Variants in CNTLN observed in about 807,000 individuals in gnomAD.
The protein encoded by CNTLN is centlein.
CNTLN carries 212 observed loss-of-function variants against 180.0 expected under a neutral mutation model. The ratio of observed to expected loss-of-function variants is 1.18; its 90% CI spans 1.05 to 1.32. The LOEUF (loss-of-function observed/expected upper bound fraction) is 1.32. Among genes scored for constraint, CNTLN ranks in the 40% most tolerant of loss-of-function variants. CNTLN has a pLI of 0.00. For synonymous variants in CNTLN, 722 were observed against 563.1 expected (o/e 1.28, Z -3.99); for missense variants, 2,095 against 1,610.9 (o/e 1.30, Z -5.14).
At chr9:17,383,995 G>C (rs12156444) in intron 13 of CNTLN, among the ~76,000 whole-genome samples, 2 of 152,048 alleles carry the variant, frequency 1.3e-5, no homozygotes, top group Non-Finnish European at 2.9e-5. Flanking sequence ...ACTTCACAAA[G>C]CTAATTCATT....
At chr9:17,494,943 G>A (rs540761831) in intron 25 of CNTLN, 212 of 429,162 alleles carry the variant, frequency 4.9e-4, no homozygotes, top group African/African-American at 3.8e-3. Flanking sequence ...GTGCAATGGC[G>A]CAATCGTGGC....
chr9:17,372,151 A>G (rs921520939), intron 13 of CNTLN, among the ~76,000 whole-genome samples: 5 of 152,140 alleles, frequency 3.3e-5, no homozygotes, highest in African/African-American at 1.2e-4. Flanking sequence ...ATAAAACAAT[A>G]TGAAAAAATC....
intron 18 of CNTLN, among the ~76,000 whole-genome samples, chr9:17,445,551 T>G (rs1338976994): frequency 1.3e-5 from 2 of 152,182 alleles, no homozygotes; most frequent in Non-Finnish European, 2.9e-5. Flanking sequence ...ATGGATTAAG[T>G]GCGGTGCAAG....
At chr9:17,443,837 G>C (rs951339985) in intron 18 of CNTLN, among the ~76,000 whole-genome samples, 8 of 152,154 alleles carry the variant, frequency 5.3e-5, no homozygotes, top group African/African-American at 1.9e-4. Flanking sequence ...AGAGGAGTCA[G>C]AGAAGGAGAT....
At chr9:17,340,301 G>T (rs1336844577) in intron 10 of CNTLN, among the ~76,000 whole-genome samples, 2 of 152,098 alleles carry the variant, frequency 1.3e-5, no homozygotes, top group Non-Finnish European at 2.9e-5. Flanking sequence ...TACAACCCCA[G>T]AAGGTTAAAC....
intron 12 of CNTLN, among the ~76,000 whole-genome samples, chr9:17,361,249 C>T (rs1218107852): frequency 1.3e-5 from 2 of 152,016 alleles, no homozygotes; most frequent in South Asian, 2.1e-4. Context: ...GTGTGATGTT[C>T]CCCTTCCTGT....
At chr9:17,139,223 G>T (rs1199333663) in intron 1 of CNTLN, among the ~76,000 whole-genome samples, 1 of 151,930 alleles carries the variant, frequency 6.6e-6, no homozygotes, top group Admixed American at 6.6e-5. Flanking sequence ...GAGTAGCTGG[G>T]ATTACAGGTT....
intron 12 of CNTLN, among the ~76,000 whole-genome samples, chr9:17,359,320 A>T (rs996842526): frequency 1.9e-4 from 29 of 152,130 alleles, no homozygotes; most frequent in African/African-American, 7.0e-4. Context: ...CACCTGCCCA[A>T]TTTCTTAAAC....
intron 2 of CNTLN, among the ~76,000 whole-genome samples, chr9:17,202,090 T>A (rs1005256575): frequency 1.3e-4 from 20 of 152,246 alleles, no homozygotes; most frequent in African/African-American, 4.3e-4. Flanking sequence ...TTTTGTTATT[T>A]ACCCAGTAGT....
chr9:17,487,667 G>A (rs1419085508), intron 25 of CNTLN, among the ~76,000 whole-genome samples: 1 of 152,104 alleles, frequency 6.6e-6, no homozygotes, highest in African/African-American at 2.4e-5. Context: ...TTTCTGGGCC[G>A]AGTGGAAAGC....
intron 13 of CNTLN, among the ~76,000 whole-genome samples, chr9:17,382,258 A>G (rs1334270084): frequency 6.6e-6 from 1 of 152,240 alleles, no homozygotes; most frequent in Admixed American, 6.5e-5. Context: ...ATAGACTTTC[A>G]TAATAGCTGG....
At chr9:17,425,336 A>C (rs2133947984) in intron 18 of CNTLN, among the ~76,000 whole-genome samples, 1 of 152,090 alleles carries the variant, frequency 6.6e-6, no homozygotes, top group East Asian at 1.9e-4. Context: ...ATAATAAGAG[A>C]CACCCGATTC....
At chr9:17,300,105 C>G (rs1301604518) in intron 7 of CNTLN, 1 of 152,126 alleles carries the variant, frequency 6.6e-6, no homozygotes, top group Non-Finnish European at 1.5e-5. Context: ...GTGCTTGGAA[C>G]CTGAAACCTG....
intron 7 of CNTLN, among the ~76,000 whole-genome samples, chr9:17,306,040 C>T (rs1471238679): frequency 6.6e-6 from 1 of 151,986 alleles, no homozygotes; most frequent in African/African-American, 2.4e-5. Flanking sequence ...CACACCTAGT[C>T]ATATCACATC....
intron 25 of CNTLN, among the ~76,000 whole-genome samples, chr9:17,495,876 C>T (rs540285730): frequency 6.6e-6 from 1 of 152,118 alleles, no homozygotes; most frequent in Admixed American, 6.6e-5. Context: ...TATACTAATA[C>T]TTATGATTGT....
chr9:17,464,260 G>A (rs986583273), intron 20 of CNTLN, among the ~76,000 whole-genome samples: 3 of 150,774 alleles, frequency 2.0e-5, no homozygotes, highest in Non-Finnish European at 4.5e-5. Flanking sequence ...TATATATTTT[G>A]TTTTAATACA....
At chr9:17,141,570 C>T (rs1251832026) in intron 1 of CNTLN, among the ~76,000 whole-genome samples, 1 of 152,182 alleles carries the variant, frequency 6.6e-6, no homozygotes, top group East Asian at 1.9e-4. Flanking sequence ...GTAGCCTTGA[C>T]ACAGAGTTTG....
chr9:17,251,653 G>A (rs1826150706), intron 5 of CNTLN, among the ~76,000 whole-genome samples: 1 of 151,634 alleles, frequency 6.6e-6, no homozygotes, highest in Non-Finnish European at 1.5e-5. Context: ...ATATGTGAGT[G>A]TTTGTTACAT....
At chr9:17,137,180 G>T (rs1358509166) in intron 1 of CNTLN, among the ~76,000 whole-genome samples, 1 of 152,196 alleles carries the variant, frequency 6.6e-6, no homozygotes, top group Non-Finnish European at 1.5e-5. Context: ...CTTGGCAAAT[G>T]TAAGAATACA....
Sources: gnomAD v4.1 joint callset for allele counts (sites outside exome capture counted in the v4.1 genomes callset) on GRCh38, gnomAD v4.1.1 for gene constraint, MANE v1.5 for transcripts, NCBI Gene and HGNC (gene_info 2026-07-23, HGNC 2026-07-21) for gene names.